NINL: variants seen among roughly 807,000 people sequenced by gnomAD.
NINL encodes ninein like.
A neutral mutation model predicts 160.3 loss-of-function variants in NINL; 153 were observed. That is an observed-to-expected ratio of 0.95 (90% CI 0.84 to 1.09). NINL has a LOEUF of 1.09. Ranked by LOEUF, NINL falls within the 50% of genes least tolerant of loss-of-function variation. The pLI is 0.00. For missense variants in NINL, 1,829 were observed against 1,764.0 expected (o/e 1.04, Z -0.66); for synonymous variants, 800 against 734.8 (o/e 1.09, Z -1.43).
chr20:25,453,098 C>CA lies in NINL; in HGVS notation c.*352dup, dbSNP rs1230683766. ...TGACTTTACATTTCACTCTGACAGC[C>CA]AGGGTCGGAAGCACCACATGGAAAG... is the stretch of plus-strand genomic sequence containing the variant. On this transcript the variant is annotated 3_prime_UTR_variant, in exon 24 of 24. Coordinates refer to ENST00000278886, the MANE Select transcript of NINL (RefSeq NM_025176.6). 8 of 180,134 alleles carry CA rather than the reference C, an allele frequency of 4.4e-5. No individual in the cohort carries two copies. The highest frequency in any genetic ancestry group is 1.6e-4 in the African/African-American group (7 of 42,568). The allele number at this position is 180,134 out of a possible 1,614,324, so 11.2% of individuals were successfully genotyped here. A position where few individuals can be genotyped will look rare whatever the true frequency, so the allele number is the denominator to read the frequency against.
rs1383496698 is a variant in NINL at position 25,477,951 on chromosome 20, T to A, written c.2202-862A>T. On this transcript the variant is annotated intron_variant, in intron 16 of 23. Transcript: ENST00000278886. ...CTTTTTTTTTTTTTTGAGACGAGTC[T>A]CACTTTTTTTTTTTTTTAGACGAGT... 1.7e-4 allele frequency among the ~76,000 whole-genome samples: 25 copies of A among 147,040 alleles called. 1 individual carries two copies. In the East Asian group the frequency reaches 4.9e-3, roughly 29 times the overall value.
At chr20:25,585,180 C>T (rs2065214898) in intron 1 of NINL, among the ~76,000 whole-genome samples, 2 of 152,202 alleles carry the variant, frequency 1.3e-5, no homozygotes, top group Non-Finnish European at 2.9e-5. Flanking sequence ...ACGGCGCCCG[C>T]GCCGCCGCCG....
chr20:25,517,973 T>A, intron 2 of NINL, 124 bp from the exon 3 acceptor site: 1 of 533,602 alleles, frequency 1.9e-6, no homozygotes, highest in Non-Finnish European at 3.2e-6. Flanking sequence ...AATGAGAACA[T>A]TCACGTTTTC....
chr20:25,559,430 G>A (rs1050820957), intron 1 of NINL, among the ~76,000 whole-genome samples: 7 of 152,050 alleles, frequency 4.6e-5, no homozygotes, highest in African/African-American at 7.2e-5. Flanking sequence ...TATTAGAGAC[G>A]GGGTTTCACC....
intron 1 of NINL, among the ~76,000 whole-genome samples, chr20:25,543,176 C>A (rs542188645): frequency 6.6e-6 from 1 of 152,170 alleles, no homozygotes; most frequent in African/African-American, 2.4e-5. Flanking sequence ...GACACACACA[C>A]CCCCCTCCCA....
chr20:25,510,923 G>A (rs1308643509), intron 4 of NINL, among the ~76,000 whole-genome samples, 183 bp from the exon 5 acceptor site: 1 of 152,210 alleles, frequency 6.6e-6, no homozygotes, highest in Non-Finnish European at 1.5e-5. Context: ...GCAGACCCAG[G>A]TGAGCCCCGC....
rs374481367 is a variant in NINL, at chr20:25,533,169, G to C, written c.-11-6571C>G. ...TGTGGAGGGTCTCAGAAGCAGTGGA[G>C]CAGCCTGAAGATGGGGCTTAGAATT... On this transcript the variant is annotated intron_variant, in intron 1 of 23. Coordinates refer to ENST00000278886, the MANE Select transcript of NINL (RefSeq NM_025176.6). Among the ~76,000 whole-genome samples the C allele has an allele frequency of 1.5e-4, 23 of 152,316 alleles. No homozygotes were observed. In the East Asian group the frequency reaches 4.2e-3, roughly 28 times the overall value.
intron 3 of NINL, among the ~76,000 whole-genome samples, chr20:25,514,189 G>A (rs576772913): frequency 5.9e-5 from 9 of 152,310 alleles, no homozygotes; most frequent in African/African-American, 1.9e-4. Context: ...CTCAAATGGA[G>A]ATAAGGAGCA....
intron 5 of NINL, among the ~76,000 whole-genome samples, chr20:25,505,392 C>T (rs1354991993): frequency 6.6e-6 from 1 of 151,892 alleles, no homozygotes; most frequent in Non-Finnish European, 1.5e-5. Context: ...ACCTAATGTA[C>T]AGCACGGTGA....
intron 1 of NINL, among the ~76,000 whole-genome samples, chr20:25,574,204 G>A (rs1371530916): frequency 1.3e-5 from 2 of 152,152 alleles, no homozygotes; most frequent in African/African-American, 4.8e-5. Flanking sequence ...AAATTCCCTT[G>A]TCCATTATCT....
intron 17 of NINL, among the ~76,000 whole-genome samples, chr20:25,475,626 C>T (rs2063213188): frequency 6.6e-6 from 1 of 151,424 alleles, no homozygotes; most frequent in Non-Finnish European, 1.5e-5. Context: ...AATCCCAGCA[C>T]TTTGTGAGGC....
At chr20:25,532,848 A>G (rs912722842) in intron 1 of NINL, among the ~76,000 whole-genome samples, 13 of 152,216 alleles carry the variant, frequency 8.5e-5, no homozygotes, top group Admixed American at 1.3e-4. Flanking sequence ...TACACCCGAT[A>G]GAACCTGTCC....
At chr20:25,498,067 C>T in intron 9 of NINL, 143 bp downstream of exon 9, 2 of 1,013,268 alleles carry the variant, frequency 2.0e-6, no homozygotes, top group Non-Finnish European at 2.9e-6. Context: ...GAGCACGGGA[C>T]AGACAGTGTG....
intron 1 of NINL, among the ~76,000 whole-genome samples, chr20:25,527,360 G>A (rs963791172): frequency 6.6e-6 from 1 of 152,194 alleles, no homozygotes; most frequent in Non-Finnish European, 1.5e-5. Context: ...CACCATGTTG[G>A]ACAGGCTGGT....
chr20:25,491,291 G>C, intron 11 of NINL, 60 bp downstream of exon 11: 1 of 1,531,650 alleles, frequency 6.5e-7, no homozygotes, highest in Non-Finnish European at 8.8e-7. Flanking sequence ...AGGATGACGT[G>C]GGTGTGGGGA....
At chr20:25,573,127 T>C (rs1168343697) in intron 1 of NINL, among the ~76,000 whole-genome samples, 2 of 152,010 alleles carry the variant, frequency 1.3e-5, no homozygotes, top group Admixed American at 6.6e-5. Context: ...TGAAACCCTG[T>C]CTCTACTAAA....
rs547800904 is a variant in NINL, at chr20:25,518,356, T to C, written c.181-507A>G. On this transcript the variant is annotated intron_variant, in intron 2 of 23. Transcript: ENST00000278886. ...CTATAGTACCCACCTGAGGAGGGGATTGCTGGGCCATAGAATGTGCCCTAT... is the reference window on the plus strand; with the variant it reads ...CTATAGTACCCACCTGAGGAGGGGACTGCTGGGCCATAGAATGTGCCCTAT... 1.1e-4 allele frequency among the ~76,000 whole-genome samples: 17 copies of C among 152,322 alleles called. No individual in the cohort carries two copies. The South Asian group carries it at 1.2e-3, about 11-fold the overall frequency.
intron 1 of NINL, among the ~76,000 whole-genome samples, chr20:25,556,087 C>A (rs1393485722): frequency 6.6e-6 from 1 of 152,022 alleles, no homozygotes; most frequent in Non-Finnish European, 1.5e-5. Context: ...TCAAGACCAC[C>A]CTGGGCAAAC....
At chr20:25,498,087 G>T in intron 9 of NINL, 123 bp downstream of exon 9, 2 of 1,197,884 alleles carry the variant, frequency 1.7e-6, no homozygotes, top group Non-Finnish European at 2.4e-6. Context: ...GCAGAGCCCT[G>T]CCCCAGGACT....
Sources: gnomAD v4.1 joint callset for allele counts (sites outside exome capture counted in the v4.1 genomes callset) on GRCh38, gnomAD v4.1.1 for gene constraint, MANE v1.5 for transcripts, NCBI Gene and HGNC (gene_info 2026-07-23, HGNC 2026-07-21) for gene names.